MACROD2: variants seen among roughly 807,000 people sequenced by gnomAD.
The protein encoded by MACROD2 is ADP-ribose glycohydrolase MACROD2.
A neutral mutation model predicts 70.4 loss-of-function variants in MACROD2; 36 were observed. The ratio of observed to expected loss-of-function variants is 0.51; its 90% confidence interval spans 0.39 to 0.68. MACROD2 has a LOEUF of 0.68. Among genes scored for constraint, MACROD2 ranks in the 30% least tolerant of loss-of-function variants. The pLI, the probability that MACROD2 is intolerant of heterozygous loss-of-function variation, is 0.00. For synonymous variants in MACROD2, 172 were observed against 178.8 expected, an observed-to-expected ratio of 0.96 and a Z score of 0.30; for missense variants, 496 against 538.4, an observed-to-expected ratio of 0.92 and a Z score of 0.78.
chr20:14,312,761 A>T (rs1338203371), intron 3 of MACROD2, among the ~76,000 whole-genome samples: 1 of 152,214 alleles, frequency 6.6e-6, no homozygotes, highest in Non-Finnish European at 1.5e-5. Flanking sequence ...AATTCTATAA[A>T]GTGGGATTAC....
At chr20:14,175,380 A>G (rs2148727061) in intron 3 of MACROD2, among the ~76,000 whole-genome samples, 1 of 152,236 alleles carries the variant, frequency 6.6e-6, no homozygotes, top group East Asian at 1.9e-4. Context: ...GTGCTAATGA[A>G]GTGTGGAGGG....
At chr20:14,774,055 T>C (rs574256204) in intron 5 of MACROD2, among the ~76,000 whole-genome samples, 1 of 152,214 alleles carries the variant, frequency 6.6e-6, no homozygotes, top group African/African-American at 2.4e-5. Flanking sequence ...TTTACTTGAT[T>C]ACTGGTGTTT....
intron 6 of MACROD2, among the ~76,000 whole-genome samples, chr20:15,370,716 T>C (rs1282006747): frequency 1.3e-5 from 2 of 152,082 alleles, no homozygotes; most frequent in African/African-American, 2.4e-5. Flanking sequence ...TCTTCTTCTT[T>C]ATTTATACTC....
chr20:14,672,670 T>C (rs1568731235), intron 4 of MACROD2, among the ~76,000 whole-genome samples: 2 of 152,210 alleles, frequency 1.3e-5, no homozygotes, highest in South Asian at 2.1e-4. Flanking sequence ...ACAAGGTTGA[T>C]ACTAATATTA....
At chr20:15,617,537 T>C (rs2049056093) in intron 8 of MACROD2, among the ~76,000 whole-genome samples, 1 of 152,210 alleles carries the variant, frequency 6.6e-6, no homozygotes, top group African/African-American at 2.4e-5. Context: ...CTGATAAATA[T>C]GAATGTGTTT....
intron 5 of MACROD2, among the ~76,000 whole-genome samples, chr20:14,981,985 G>A (rs2074805206): frequency 6.6e-6 from 1 of 152,166 alleles, no homozygotes; most frequent in East Asian, 1.9e-4. Flanking sequence ...ACTTCCTAGA[G>A]ACTTGTTGAA....
intron 5 of MACROD2, among the ~76,000 whole-genome samples, chr20:14,755,962 G>T (rs2071934887): frequency 1.3e-5 from 2 of 152,026 alleles, no homozygotes; most frequent in South Asian, 2.1e-4. Flanking sequence ...TACTAGTAAT[G>T]TGAGTTATTA....
intron 8 of MACROD2, among the ~76,000 whole-genome samples, chr20:15,559,042 C>CA (rs1227058522): frequency 6.6e-6 from 1 of 151,932 alleles, no homozygotes; most frequent in East Asian, 1.9e-4. Context: ...TCCTAGCTAA[C>CA]ATGGTGAAAC....
chr20:14,906,560 A>G (rs1485101205), intron 5 of MACROD2, among the ~76,000 whole-genome samples: 6 of 152,168 alleles, frequency 3.9e-5, no homozygotes, highest in Admixed American at 1.3e-4. Context: ...GCACTTCCTA[A>G]TAGCTTGCTT....
intron 8 of MACROD2, among the ~76,000 whole-genome samples, chr20:15,851,267 C>T (rs2064295036): frequency 6.6e-6 from 1 of 151,574 alleles, no homozygotes; most frequent in Non-Finnish European, 1.5e-5. Context: ...TCGGCTGATC[C>T]CAACAGGGGC....
At chr20:15,163,020 T>C (rs536989281) in intron 5 of MACROD2, among the ~76,000 whole-genome samples, 27 of 152,178 alleles carry the variant, frequency 1.8e-4, no homozygotes, top group African/African-American at 5.8e-4. Context: ...AGGTAGATGA[T>C]CTAAGTTAAA....
intron 5 of MACROD2, among the ~76,000 whole-genome samples, chr20:15,210,519 C>T (rs175262): frequency 0.56 from 84,320 of 149,960 alleles, 24,173 homozygotes; most frequent in African/African-American, 0.59. Context: ...TTTACAGGCA[C>T]GTCCAGCACC....
intron 5 of MACROD2, among the ~76,000 whole-genome samples, chr20:15,221,536 T>A (rs1297587999): frequency 6.6e-6 from 1 of 152,166 alleles, no homozygotes; most frequent in Non-Finnish European, 1.5e-5. Context: ...CCCTTTTCCA[T>A]GAGTTTCAAT....
chr20:14,607,599 C>T (rs1982887395), intron 4 of MACROD2, among the ~76,000 whole-genome samples: 1 of 152,210 alleles, frequency 6.6e-6, no homozygotes, highest in African/African-American at 2.4e-5. Context: ...CAGACCAAGG[C>T]ATGTTTCCTG....
At chr20:15,757,781 TCTCTTC>T (rs1212599934) in intron 8 of MACROD2, among the ~76,000 whole-genome samples, 1 of 152,136 alleles carries the variant, frequency 6.6e-6, no homozygotes, top group Non-Finnish European at 1.5e-5. Context: ...AACTCTTACC[TCTCTTC>T]CTCTTCTTAT....
intron 2 of MACROD2, among the ~76,000 whole-genome samples, chr20:14,078,985 C>T (rs2053953595): frequency 6.6e-6 from 1 of 152,156 alleles, no homozygotes; most frequent in African/African-American, 2.4e-5. Flanking sequence ...ATACTGTTAT[C>T]ATCATAATGC....
chr20:14,181,468 T>A (rs1440189220), intron 3 of MACROD2, among the ~76,000 whole-genome samples: 3 of 152,176 alleles, frequency 2.0e-5, no homozygotes, highest in Middle Eastern at 3.4e-3. Flanking sequence ...GCTTCAGATT[T>A]AAAAAAATCA....
At chr20:15,612,293 G>A (rs766365757) in intron 8 of MACROD2, among the ~76,000 whole-genome samples, 7 of 152,120 alleles carry the variant, frequency 4.6e-5, no homozygotes, top group Non-Finnish European at 7.4e-5. Context: ...TTTACTTCTG[G>A]CCTGGTTAGA....
intron 5 of MACROD2, among the ~76,000 whole-genome samples, chr20:14,692,926 T>C (rs930936340): frequency 6.6e-6 from 1 of 152,236 alleles, no homozygotes; most frequent in African/African-American, 2.4e-5. Flanking sequence ...AATGTTGTCT[T>C]TTAAAAAATA....
Sources: allele counts gnomAD v4.1 joint callset (sites outside exome capture counted in the v4.1 genomes callset), GRCh38; gene constraint gnomAD v4.1.1; transcripts MANE v1.5; gene names NCBI Gene and HGNC (gene_info 2026-07-23, HGNC 2026-07-21).